Variants in ADAMTS20 observed in about 807,000 individuals in gnomAD.
ADAMTS20 encodes the protein A disintegrin and metalloproteinase with thrombospondin motifs 20.
ADAMTS20 carries 225 observed loss-of-function variants against 260.1 expected under a neutral mutation model. The observed-to-expected ratio is 0.87, with a 90% CI of 0.78 to 0.97. The LOEUF is 0.97. Ranked by LOEUF, ADAMTS20 falls within the 50% of genes least tolerant of loss-of-function variation. ADAMTS20 has a pLI of 0.00. For missense variants in ADAMTS20, 2,400 were observed against 2,337.7 expected, an observed-to-expected ratio of 1.03 and a Z score of -0.55; for synonymous variants, 802 against 769.5, an observed-to-expected ratio of 1.04 and a Z score of -0.70.
At chr12:43,450,231 C>CA (rs1378021459) in intron 14 of ADAMTS20, among the ~76,000 whole-genome samples, 1 of 151,912 alleles carries the variant, frequency 6.6e-6, no homozygotes, top group Non-Finnish European at 1.5e-5. Context: ...CCAGAAATTT[C>CA]AAAAAAACAA....
At chr12:43,548,970 T>C (rs1426885619) in intron 2 of ADAMTS20, among the ~76,000 whole-genome samples, 2 of 152,040 alleles carry the variant, frequency 1.3e-5, no homozygotes, top group African/African-American at 4.8e-5. Context: ...ATGACTCCTA[T>C]AGGTGATTTT....
At position 43,432,588 on chromosome 12, in the gene ADAMTS20, A is replaced by T. The variant is rs377669624; in HGVS notation, c.2931+13T>A. 52 of 1,610,884 alleles carry T rather than the reference A, an allele frequency of 3.2e-5. No individual in the cohort carries two copies. The highest frequency in any genetic ancestry group is 1.0e-4 in the Admixed American group (6 of 59,550). On this transcript the variant is annotated intron_variant, in intron 20 of 38. Transcript: ENST00000389420. ...AAGGGGCAACTTTTTTTAAGCAATCATTTTTATTGTACCTGAGACCATTCT... is the reference window on the plus strand; with the variant it reads ...AAGGGGCAACTTTTTTTAAGCAATCTTTTTTATTGTACCTGAGACCATTCT...
At chr12:43,532,300 A>C (rs1288520202) in intron 2 of ADAMTS20, 105 bp from the exon 3 acceptor site, 13 of 1,005,146 alleles carry the variant, frequency 1.3e-5, no homozygotes, top group Non-Finnish European at 1.8e-5. Context: ...AACAGCAAGG[A>C]GTCTGTTCAC....
Position 43,452,494 on chromosome 12 carries a change from A to C in ADAMTS20, c.1942+20T>G, listed in dbSNP as rs778257801. 126 of 1,607,426 alleles carry C rather than the reference A, an allele frequency of 7.8e-5. No homozygotes were observed. Among genetic ancestry groups the C allele is most frequent in the Non-Finnish European group, 9.9e-5 (116 of 1,176,076 alleles). On this transcript the variant is annotated intron_variant, in intron 13 of 38. Coordinates refer to ENST00000389420, the MANE Select transcript of ADAMTS20 (RefSeq NM_025003.5). ...CGTCTCAGAAAAATTTACATCAAAG[A>C]ACCAGCATAATTTACTTACTGCCAC...
At chr12:43,489,829 T>C (rs1400673814) in intron 7 of ADAMTS20, among the ~76,000 whole-genome samples, 5 of 152,016 alleles carry the variant, frequency 3.3e-5, no homozygotes, top group Non-Finnish European at 7.4e-5. Context: ...GTAGATGAAA[T>C]ATATAACAGT....
At chr12:43,364,415 G>A (rs896249096) in intron 37 of ADAMTS20, among the ~76,000 whole-genome samples, 3 of 152,134 alleles carry the variant, frequency 2.0e-5, no homozygotes, top group Non-Finnish European at 2.9e-5. Flanking sequence ...AAACTTCAAA[G>A]CAGCTAATAT....
At position 43,551,480 on chromosome 12, in the gene ADAMTS20, C is replaced by A. The variant is rs972202523; in HGVS notation, c.92-210G>T. ...TTTCCCACACCCCCAACTTGCCCTA[C>A]CCTCCCCAAGCAAAGACCCTACCAC... is the stretch of plus-strand genomic sequence containing the variant. On this transcript the variant is annotated intron_variant, in intron 1 of 38. Coordinates refer to ENST00000389420, the MANE Select transcript of ADAMTS20 (RefSeq NM_025003.5). This position sits in a 1 kb window ranked among gnomAD's most constrained non-coding sequence, Gnocchi z 4.6. Among the ~76,000 whole-genome samples the A allele has an allele frequency of 6.6e-6, 1 of 152,066 alleles. No homozygotes were observed. The highest frequency in any genetic ancestry group is 1.5e-5 in the Non-Finnish European group (1 of 68,010).
At chr12:43,467,132 T>C (rs1272194549) in intron 8 of ADAMTS20, among the ~76,000 whole-genome samples, 1 of 152,066 alleles carries the variant, frequency 6.6e-6, no homozygotes, top group Non-Finnish European at 1.5e-5. Flanking sequence ...GAGAAGTGTG[T>C]GGATAGAGAT....
At position 43,524,678 on chromosome 12, in the gene ADAMTS20, T is replaced by C. The variant is rs548299398; in HGVS notation, c.613+7358A>G. Among the ~76,000 whole-genome samples, 117 of 152,152 alleles carry C rather than the reference T, an allele frequency of 7.7e-4. 1 individual carries two copies. Among genetic ancestry groups the C allele is most frequent in the African/African-American group, 2.8e-3 (115 of 41,526 alleles). On this transcript the variant is annotated intron_variant, in intron 3 of 38. Transcript: ENST00000389420. ...TATCAAAGAAAAATCAATCAGAACT[T>C]CTAGAAATGAAAGATATACTTAGGG...
At chr12:43,523,261 G>T (rs887392861) in intron 3 of ADAMTS20, among the ~76,000 whole-genome samples, 1 of 152,216 alleles carries the variant, frequency 6.6e-6, no homozygotes, top group Admixed American at 6.5e-5. Context: ...AAAAGTAGGA[G>T]AGGGAGTGGT....
intron 4 of ADAMTS20, 46 bp from the exon 5 acceptor site, chr12:43,493,299 T>A: frequency 7.4e-7 from 1 of 1,347,616 alleles, no homozygotes. Flanking sequence ...AATGAATATT[T>A]CTTCTCAAAA....
chr12:43,452,223 CATT>C, intron 14 of ADAMTS20, 48 bp downstream of exon 14: 1 of 1,516,282 alleles, frequency 6.6e-7, no homozygotes, highest in African/African-American at 1.4e-5. Context: ...CGAAAAAAAA[CATT>C]ATTCTTAAAG....
At chr12:43,478,820 T>A (rs1262976030) in intron 7 of ADAMTS20, among the ~76,000 whole-genome samples, 1 of 152,206 alleles carries the variant, frequency 6.6e-6, no homozygotes, top group Non-Finnish European at 1.5e-5. Context: ...CTGAAACCTA[T>A]GAGTTATTTT....
rs573171205 is a variant in ADAMTS20, at chr12:43,411,162, C to T, written c.4285-11929G>A. On this transcript the variant is annotated intron_variant, in intron 28 of 38. Coordinates refer to ENST00000389420, the MANE Select transcript of ADAMTS20 (RefSeq NM_025003.5). ...TCAGATGAGAAAAATGCAAATTCTA[C>T]CTGAATTATGGGGCATCCTTTGACA... is the stretch of plus-strand genomic sequence containing the variant. 3.3e-5 allele frequency among the ~76,000 whole-genome samples: 5 copies of T among 152,176 alleles called. No homozygotes were observed. In the East Asian group the frequency reaches 9.7e-4, roughly 29 times the overall value.
rs1290752496 is a variant in ADAMTS20, at chr12:43,423,338, A to AG, written c.4284+2175dup. 204 of 174,384 alleles carry AG rather than the reference A, an allele frequency of 1.2e-3. 1 individual carries two copies. The highest frequency in any genetic ancestry group is 4.6e-3 in the African/African-American group (195 of 41,998). The allele number at this position is 174,384 out of a possible 1,614,324, so 10.8% of individuals were successfully genotyped here. A position where few individuals can be genotyped will look rare whatever the true frequency, so the allele number is the denominator to read the frequency against. ...AGGCCAGATTTGGTACCTGGACCAT[A>AG]GTTTGCTGACCTCTAAAACAGAGAA... On this transcript the variant is annotated intron_variant, in intron 28 of 38. Transcript: ENST00000389420.
At chr12:43,468,030 G>A (rs575336805) in intron 8 of ADAMTS20, among the ~76,000 whole-genome samples, 3 of 152,114 alleles carry the variant, frequency 2.0e-5, no homozygotes, top group South Asian at 2.1e-4. Context: ...GAGAAATCAC[G>A]GCCTCTATTC....
At chr12:43,467,624 C>A (rs115181970) in intron 8 of ADAMTS20, among the ~76,000 whole-genome samples, 2 of 152,152 alleles carry the variant, frequency 1.3e-5, no homozygotes, top group South Asian at 2.1e-4. Flanking sequence ...AAAACCAGCA[C>A]ATAGTGCCAC....
At chr12:43,407,141 T>C (rs1424117267) in intron 28 of ADAMTS20, among the ~76,000 whole-genome samples, 1 of 152,004 alleles carries the variant, frequency 6.6e-6, no homozygotes, top group African/African-American at 2.4e-5. Flanking sequence ...TTTAAAAATA[T>C]TTACCACTGA....
intron 11 of ADAMTS20, among the ~76,000 whole-genome samples, chr12:43,454,753 T>TGCCAGTC (rs1336463979): frequency 6.6e-6 from 1 of 152,242 alleles, no homozygotes; most frequent in Non-Finnish European, 1.5e-5. Flanking sequence ...CATGCACTCA[T>TGCCAGTC]GCCAGTCTAT....
Sources: allele counts gnomAD v4.1 joint callset (sites outside exome capture counted in the v4.1 genomes callset), GRCh38; gene constraint gnomAD v4.1.1; non-coding constraint Gnocchi (gnomAD v3.1); transcripts MANE v1.5; gene names NCBI Gene and HGNC (gene_info 2026-07-23, HGNC 2026-07-21).